The following CPA6 variants were observed in gnomAD, a reference collection of about 807,000 sequenced individuals.
CPA6 encodes the protein carboxypeptidase B.
A neutral mutation model predicts 63.3 loss-of-function variants in CPA6; 58 were observed. That is an observed-to-expected ratio of 0.92 (90% CI 0.74 to 1.14). CPA6 has a LOEUF of 1.14. CPA6 is among the 50% of genes most tolerant of loss of function. CPA6 has a pLI of 0.00. For synonymous variants in CPA6, 185 were observed against 179.0 expected (o/e 1.03, Z -0.27); for missense variants, 565 against 526.6 (o/e 1.07, Z -0.71).
intron 8 of CPA6, among the ~76,000 whole-genome samples, chr8:67,473,896 C>G (rs888742748): frequency 6.6e-6 from 1 of 152,038 alleles, no homozygotes; most frequent in African/African-American, 2.4e-5. Context: ...CTTGAGCCAC[C>G]ATGACTGGTA....
At position 67,678,637 on chromosome 8, in the gene CPA6, T is replaced by C. The variant is rs151028521; in HGVS notation, c.117-54386A>G. On this transcript the variant is annotated intron_variant, in intron 1 of 10. Coordinates refer to ENST00000297770, the MANE Select transcript of CPA6 (RefSeq NM_020361.5). Reference sequence around the variant, plus strand: ...CAGATAATACCATGAATTAGTTAAGTTGTTCAACAACTAGAGTGCTTGCTG... The same window carrying C: ...CAGATAATACCATGAATTAGTTAAGCTGTTCAACAACTAGAGTGCTTGCTG... Among the ~76,000 whole-genome samples, 269 of 152,340 alleles carry C rather than the reference T, an allele frequency of 1.8e-3. 1 individual carries two copies. The highest frequency in any genetic ancestry group is 6.2e-3 in the African/African-American group (258 of 41,574).
chr8:67,703,233 T>C (rs919993150), intron 1 of CPA6, among the ~76,000 whole-genome samples: 2 of 152,168 alleles, frequency 1.3e-5, no homozygotes, highest in African/African-American at 4.8e-5. Flanking sequence ...ACAACTTGTC[T>C]TGGTCTCAGT....
intron 1 of CPA6, among the ~76,000 whole-genome samples, chr8:67,712,704 C>T (rs903874546): frequency 9.2e-5 from 14 of 151,988 alleles, no homozygotes; most frequent in African/African-American, 2.2e-4. Context: ...CTGGGAACAC[C>T]GAATTTTTCA....
At chr8:67,713,406 A>G (rs1283183842) in intron 1 of CPA6, among the ~76,000 whole-genome samples, 2 of 151,958 alleles carry the variant, frequency 1.3e-5, no homozygotes, top group African/African-American at 4.8e-5. Context: ...AGAGAACCTG[A>G]TTAAGTAGTG....
chr8:67,706,013 G>T (rs2128999471), intron 1 of CPA6, among the ~76,000 whole-genome samples: 1 of 152,202 alleles, frequency 6.6e-6, no homozygotes, highest in East Asian at 1.9e-4. Flanking sequence ...GTAAATTTTT[G>T]TCCTAAAGTA....
rs534876004 is a variant in CPA6 at position 67,680,464 on chromosome 8, G to A, written c.117-56213C>T. Reference sequence around the variant, plus strand: ...GTGCCACTGCACTCCAGCTGCCTGGGCAATGGAGTGAGACCCTCTGTATTT... The same window carrying A: ...GTGCCACTGCACTCCAGCTGCCTGGACAATGGAGTGAGACCCTCTGTATTT... On this transcript the variant is annotated intron_variant, in intron 1 of 10. Coordinates refer to ENST00000297770, the MANE Select transcript of CPA6 (RefSeq NM_020361.5). Among the ~76,000 whole-genome samples, 8 of 150,808 alleles carry A rather than the reference G, an allele frequency of 5.3e-5. No homozygotes were observed. In the South Asian group the frequency reaches 1.7e-3, roughly 32 times the overall value.
intron 2 of CPA6, among the ~76,000 whole-genome samples, chr8:67,597,438 C>T (rs920354349): frequency 2.0e-5 from 3 of 152,140 alleles, no homozygotes; most frequent in African/African-American, 7.2e-5. Context: ...TCATGATCTG[C>T]CTGCCTCGGC....
At chr8:67,727,077 C>T (rs1817610210) in intron 1 of CPA6, among the ~76,000 whole-genome samples, 1 of 152,000 alleles carries the variant, frequency 6.6e-6, no homozygotes, top group Admixed American at 6.6e-5. Flanking sequence ...CTTAAAATTA[C>T]TTTTAATCTG....
chr8:67,453,715 T>A (rs990828501), intron 8 of CPA6, among the ~76,000 whole-genome samples: 5 of 152,214 alleles, frequency 3.3e-5, no homozygotes, highest in Admixed American at 2.0e-4. Flanking sequence ...GAGGCTGGGT[T>A]AGGTGCTTCT....
chr8:67,734,766 A>G (rs1381304117), intron 1 of CPA6, among the ~76,000 whole-genome samples: 2 of 152,234 alleles, frequency 1.3e-5, no homozygotes, highest in Non-Finnish European at 2.9e-5. Context: ...CCCAAACATG[A>G]TGGAGAGATT....
At chr8:67,543,339 C>G (rs1203127295) in intron 2 of CPA6, among the ~76,000 whole-genome samples, 1 of 152,144 alleles carries the variant, frequency 6.6e-6, no homozygotes, top group Admixed American at 6.6e-5. Context: ...AATCACTAAC[C>G]CTTGCTTTGC....
chr8:67,671,049 T>C (rs1454653655), intron 1 of CPA6, among the ~76,000 whole-genome samples: 1 of 152,206 alleles, frequency 6.6e-6, no homozygotes, highest in Non-Finnish European at 1.5e-5. Context: ...TCAGTTTCAT[T>C]TGGTGATGGA....
intron 2 of CPA6, among the ~76,000 whole-genome samples, chr8:67,575,192 C>T (rs1007967942): frequency 6.6e-6 from 1 of 152,114 alleles, no homozygotes; most frequent in African/African-American, 2.4e-5. Context: ...GAGATATCAC[C>T]TCATACCTGA....
intron 2 of CPA6, among the ~76,000 whole-genome samples, chr8:67,552,323 C>T (rs1307999935): frequency 1.3e-5 from 2 of 152,168 alleles, no homozygotes; most frequent in African/African-American, 4.8e-5. Flanking sequence ...TTGCCTGTGG[C>T]TTAAGGGTCT....
chr8:67,629,479 CAA>C (rs34412333), intron 1 of CPA6, among the ~76,000 whole-genome samples: 5,939 of 93,916 alleles, frequency 0.063, 122 homozygotes, highest in South Asian at 0.15. Context: ...GACCCTGTCT[CAA>C]AAAAAAAAAA....
intron 3 of CPA6, 51 bp downstream of exon 3, chr8:67,517,872 G>T: frequency 2.7e-6 from 4 of 1,507,644 alleles, no homozygotes; most frequent in Non-Finnish European, 2.7e-6. Context: ...ACTACCATTT[G>T]GTTCAGTTTA....
intron 8 of CPA6, among the ~76,000 whole-genome samples, chr8:67,446,002 C>A (rs1046092311): frequency 6.6e-6 from 1 of 152,148 alleles, no homozygotes; most frequent in Admixed American, 6.5e-5. Context: ...CGGTGGCTCA[C>A]GCCTGTAATC....
chr8:67,639,770 C>A (rs1156277304), intron 1 of CPA6, among the ~76,000 whole-genome samples: 1 of 151,488 alleles, frequency 6.6e-6, no homozygotes, highest in East Asian at 1.9e-4. Context: ...TTTGGCAGGT[C>A]CTGAGTTCTT....
At chr8:67,729,092 A>T (rs1018851365) in intron 1 of CPA6, among the ~76,000 whole-genome samples, 7 of 152,222 alleles carry the variant, frequency 4.6e-5, no homozygotes, top group African/African-American at 1.7e-4. Context: ...TCCTGAAAGC[A>T]TGGTGCCTGA....
Sources: allele counts gnomAD v4.1 joint callset (sites outside exome capture counted in the v4.1 genomes callset), GRCh38; gene constraint gnomAD v4.1.1; transcripts MANE v1.5; gene names NCBI Gene and HGNC (gene_info 2026-07-23, HGNC 2026-07-21).